Variants in TMEM131L observed in about 807,000 individuals in gnomAD.
TMEM131L encodes transmembrane protein 131-like.
TMEM131L carries 54 observed loss-of-function variants against 192.2 expected under a neutral mutation model. The ratio of observed to expected loss-of-function variants is 0.28; its 90% CI spans 0.23 to 0.35. The LOEUF is 0.35. Among genes scored for constraint, TMEM131L ranks in the 10% least tolerant of loss-of-function variants. The probability of loss-of-function intolerance (pLI) is 1.00; values close to 1 mark genes in which losing one functional copy is unlikely to be tolerated. For synonymous variants in TMEM131L, 701 were observed against 704.9 expected, an observed-to-expected ratio of 0.99 and a Z score of 0.09; for missense variants, 1,888 against 1,972.9, an observed-to-expected ratio of 0.96 and a Z score of 0.82.
At chr4:153,542,431 C>G (rs981927040) in intron 3 of TMEM131L, among the ~76,000 whole-genome samples, 1 of 152,132 alleles carries the variant, frequency 6.6e-6, no homozygotes, top group Non-Finnish European at 1.5e-5. Flanking sequence ...AGAGAGCAGT[C>G]AGGTGGAGGC....
At chr4:153,621,535 C>T in intron 27 of TMEM131L, 148 bp from the exon 28 acceptor site, 2 of 690,140 alleles carry the variant, frequency 2.9e-6, no homozygotes, top group East Asian at 2.7e-5. Flanking sequence ...TTCTGCTCAT[C>T]ATACTCTTCC....
intron 7 of TMEM131L, among the ~76,000 whole-genome samples, chr4:153,563,114 C>G (rs1270223644): frequency 6.6e-6 from 1 of 152,108 alleles, no homozygotes; most frequent in African/African-American, 2.4e-5. Context: ...GGCATGTACC[C>G]AAGGATCCCT....
chr4:153,532,574 AAC>A (rs1370543925), intron 3 of TMEM131L, among the ~76,000 whole-genome samples: 1 of 152,076 alleles, frequency 6.6e-6, no homozygotes, highest in Non-Finnish European at 1.5e-5. Context: ...CTAATTTTAG[AAC>A]ACTTTTATCC....
At chr4:153,530,383 G>A (rs1735805265) in intron 3 of TMEM131L, among the ~76,000 whole-genome samples, 1 of 152,110 alleles carries the variant, frequency 6.6e-6, no homozygotes, top group Admixed American at 6.6e-5. Flanking sequence ...AAATTCAAAA[G>A]ATATTATTAG....
intron 3 of TMEM131L, among the ~76,000 whole-genome samples, chr4:153,522,307 A>G (rs1735176020): frequency 6.6e-6 from 1 of 152,180 alleles, no homozygotes; most frequent in African/African-American, 2.4e-5. Context: ...TTCTAAGTTC[A>G]TAAGTTGGTA....
intron 3 of TMEM131L, among the ~76,000 whole-genome samples, chr4:153,477,839 A>G (rs1265471009): frequency 6.6e-6 from 1 of 152,202 alleles, no homozygotes; most frequent in Non-Finnish European, 1.5e-5. Flanking sequence ...CACGTAGCAT[A>G]TAATTCACCC....
chr4:153,481,743 G>C (rs1731954371), intron 3 of TMEM131L, among the ~76,000 whole-genome samples: 1 of 152,002 alleles, frequency 6.6e-6, no homozygotes, highest in Non-Finnish European at 1.5e-5. Context: ...TCACGTTGTT[G>C]CGCAGTCTTG....
At chr4:153,543,166 A>G (rs565681975) in intron 3 of TMEM131L, among the ~76,000 whole-genome samples, 20 of 152,326 alleles carry the variant, frequency 1.3e-4, no homozygotes, top group African/African-American at 4.8e-4. Context: ...ATCATGTCCT[A>G]CCAAAAAACT....
chr4:153,480,273 A>G lies in TMEM131L; in HGVS notation c.239+6385A>G, dbSNP rs1731835276. ...AGAATGGCATGAACCCGGGAGTCGG[A>G]GCTTGCAGCGAGCCGAGATCGCGCC... is the stretch of plus-strand genomic sequence containing the variant. On this transcript the variant is annotated intron_variant, in intron 3 of 34. Transcript: ENST00000409959. Among the ~76,000 whole-genome samples the G allele has an allele frequency of 2.0e-5, 3 of 152,330 alleles. No individual in the cohort carries two copies. In the South Asian group the frequency reaches 6.2e-4, roughly 32 times the overall value.
At chr4:153,485,469 G>A (rs1041809794) in intron 3 of TMEM131L, among the ~76,000 whole-genome samples, 2 of 152,198 alleles carry the variant, frequency 1.3e-5, no homozygotes, top group Non-Finnish European at 2.9e-5. Flanking sequence ...ATTTGAAGGT[G>A]GATCCCAGAG....
intron 7 of TMEM131L, among the ~76,000 whole-genome samples, chr4:153,575,801 A>T (rs908429840): frequency 2.7e-4 from 41 of 152,246 alleles, no homozygotes; most frequent in Middle Eastern, 6.8e-3. Flanking sequence ...TTTCCTGTCT[A>T]ATCAGCCCAG....
At chr4:153,632,116 C>T (rs1465712158) in intron 31 of TMEM131L, among the ~76,000 whole-genome samples, 2 of 152,220 alleles carry the variant, frequency 1.3e-5, no homozygotes, top group East Asian at 1.9e-4. Context: ...AGTTTGAGAG[C>T]AGCCTGGTCA....
At chr4:153,582,603 G>C (rs968876319) in intron 9 of TMEM131L, among the ~76,000 whole-genome samples, 4 of 151,938 alleles carry the variant, frequency 2.6e-5, no homozygotes, top group African/African-American at 9.7e-5. Flanking sequence ...TGGTTAAACA[G>C]CCTTTACCTT....
At chr4:153,576,286 T>TA (rs1729935499) in intron 7 of TMEM131L, among the ~76,000 whole-genome samples, 1 of 152,162 alleles carries the variant, frequency 6.6e-6, no homozygotes, top group Non-Finnish European at 1.5e-5. Context: ...TTGAGAAAGA[T>TA]ATGGACTTGA....
Position 153,585,589 on chromosome 4 carries a change from A to C in TMEM131L, c.1289A>C (p.Lys430Thr). 6.2e-7 allele frequency: 1 copy of C among 1,613,668 alleles called. No homozygotes were observed. ...SVVLNDVFLS[K>T]ETKHMLKILN... ...GTATTAAATGATGTGTTTCTTTCCAAGGAGACCAAGCACATGTTAAAGGTA... is the reference window on the plus strand; with the variant it reads ...GTATTAAATGATGTGTTTCTTTCCACGGAGACCAAGCACATGTTAAAGGTA... The change falls in exon 13 of 35, where the codon AAG (lysine) becomes ACG (threonine). Residue 430 changes from lysine (K) to threonine (T), a missense_variant. Transcript: ENST00000409959.
At chr4:153,582,419 C>CGTTTTTTT (rs1561212361) in intron 9 of TMEM131L, among the ~76,000 whole-genome samples, 12 of 117,998 alleles carry the variant, frequency 1.0e-4, no homozygotes, top group African/African-American at 4.2e-4. Flanking sequence ...TAATTTAAAC[C>CGTTTTTTT]GTTTTTTTTT....
chr4:153,488,097 T>C, intron 3 of TMEM131L, among the ~76,000 whole-genome samples: 1 of 138,466 alleles, frequency 7.2e-6, no homozygotes, highest in Admixed American at 7.2e-5. Context: ...TGGCTGAGTT[T>C]TGTGTGCGTG....
chr4:153,588,041 G>GT lies in TMEM131L; in HGVS notation c.1552+247dup, dbSNP rs60174380. Among the ~76,000 whole-genome samples the GT allele has an allele frequency of 9.2e-3, 1,128 of 122,126 alleles. 5 individuals are homozygous for GT. The highest frequency in any genetic ancestry group is 0.023 in the Middle Eastern group (6 of 260). 80.1% of individuals were successfully genotyped at this position (122,126 alleles called of 152,430 possible). A position where few individuals can be genotyped will look rare whatever the true frequency, so the allele number is the denominator to read the frequency against. On this transcript the variant is annotated intron_variant, in intron 15 of 34. Transcript: ENST00000409959. ...TCTAGTAGCTTGTACTTCCGCAAGG[G>GT]TTTTTTTTTTTTTTTTTCAAATAAC...
At chr4:153,549,407 CAT>C (rs766647163) in intron 3 of TMEM131L, among the ~76,000 whole-genome samples, 9 of 152,126 alleles carry the variant, frequency 5.9e-5, no homozygotes, top group Non-Finnish European at 8.8e-5. Context: ...TTTTCATACT[CAT>C]ATGTGTATTT....
Sources: allele counts gnomAD v4.1 joint callset (sites outside exome capture counted in the v4.1 genomes callset), GRCh38; gene constraint gnomAD v4.1.1; transcripts MANE v1.5; gene names NCBI Gene and HGNC (gene_info 2026-07-23, HGNC 2026-07-21).